KAZN: variants seen among roughly 807,000 people sequenced by gnomAD.
The protein encoded by KAZN is kazrin.
In KAZN, 40 loss-of-function variants were observed where a neutral mutation model predicts 87.4. That is an observed-to-expected ratio of 0.46 (90% CI 0.36 to 0.60). The LOEUF is 0.60. Among genes scored for constraint, KAZN ranks in the 20% least tolerant of loss-of-function variants. KAZN has a pLI of 0.00. For synonymous variants in KAZN, 466 were observed against 458.3 expected, an observed-to-expected ratio of 1.02 and a Z score of -0.22; for missense variants, 898 against 1,073.9, an observed-to-expected ratio of 0.84 and a Z score of 2.29.
At chr1:14,614,730 C>A (rs556275928) in intron 1 of KAZN, among the ~76,000 whole-genome samples, 1 of 152,210 alleles carries the variant, frequency 6.6e-6, no homozygotes, top group Non-Finnish European at 1.5e-5. Flanking sequence ...TTGAATACAA[C>A]CCAGAGAAAC....
chr1:15,108,948 A>T (rs1444264331), intron 13 of KAZN, among the ~76,000 whole-genome samples: 1 of 152,178 alleles, frequency 6.6e-6, no homozygotes, highest in African/African-American at 2.4e-5. Context: ...TTTTCATCTT[A>T]TCCAAAGGCC....
intron 1 of KAZN, among the ~76,000 whole-genome samples, chr1:14,929,303 G>T (rs1018865494): frequency 2.0e-5 from 3 of 152,124 alleles, no homozygotes; most frequent in Non-Finnish European, 4.4e-5. Context: ...ACTCAAACAG[G>T]TGACTCCAAA....
intron 2 of KAZN, among the ~76,000 whole-genome samples, chr1:14,296,053 G>A (rs572106914): frequency 6.6e-6 from 1 of 152,246 alleles, no homozygotes; most frequent in East Asian, 1.9e-4. Context: ...CTACCTCATA[G>A]GGTTGCCATA....
chr1:14,358,930 T>A (rs967420086), intron 2 of KAZN, among the ~76,000 whole-genome samples: 2 of 152,220 alleles, frequency 1.3e-5, no homozygotes, highest in Admixed American at 1.3e-4. Flanking sequence ...GTTCTGTAGA[T>A]GTGTATTAGG....
chr1:14,376,435 T>C (rs1244085169), intron 2 of KAZN, among the ~76,000 whole-genome samples: 2 of 152,126 alleles, frequency 1.3e-5, no homozygotes, highest in Non-Finnish European at 2.9e-5. Context: ...GGGAGTGGGT[T>C]CCTGATAAAA....
chr1:14,959,492 C>T (rs1302060145), intron 1 of KAZN, among the ~76,000 whole-genome samples: 1 of 152,122 alleles, frequency 6.6e-6, no homozygotes, highest in African/African-American at 2.4e-5. Context: ...TCCCCAGGTC[C>T]CTCTGAGATG....
chr1:14,123,986 A>G (rs1190499247), intron 1 of KAZN, among the ~76,000 whole-genome samples: 2 of 152,064 alleles, frequency 1.3e-5, no homozygotes, highest in African/African-American at 4.8e-5. Flanking sequence ...CTCCTTCCCA[A>G]TAGGAGCCCT....
At chr1:14,976,031 CAAAAA>C (rs1162988294) in intron 2 of KAZN, among the ~76,000 whole-genome samples, 29 of 85,490 alleles carry the variant, frequency 3.4e-4, no homozygotes, top group Middle Eastern at 6.6e-3. Flanking sequence ...GACTCCGTCT[CAAAAA>C]AAAAAAAAAA....
intron 1 of KAZN, among the ~76,000 whole-genome samples, chr1:14,151,207 A>AG (rs398102458): frequency 2.0e-5 from 3 of 151,968 alleles, no homozygotes; most frequent in African/African-American, 7.3e-5. Context: ...TAGAAAAAAA[A>AG]GACAAAGATG....
chr1:14,459,455 G>A (rs139317384), intron 2 of KAZN, among the ~76,000 whole-genome samples: 125 of 152,100 alleles, frequency 8.2e-4, no homozygotes, highest in Admixed American at 2.0e-3. Context: ...TCAGATTAAC[G>A]TGGGGTAGAG....
intron 1 of KAZN, among the ~76,000 whole-genome samples, chr1:14,780,204 C>G (rs1339609127): frequency 6.6e-6 from 1 of 152,186 alleles, no homozygotes; most frequent in African/African-American, 2.4e-5. Context: ...AGCCTTGGCC[C>G]GATCTTTGCT....
intron 8 of KAZN, chr1:15,068,249 T>G: frequency 4.4e-6 from 1 of 226,536 alleles, no homozygotes; most frequent in Non-Finnish European, 7.3e-6. Context: ...TCCTTGGACT[T>G]CCAGGGCTGG....
chr1:13,969,827 T>C (rs2101046332), intron 1 of KAZN, among the ~76,000 whole-genome samples: 1 of 152,254 alleles, frequency 6.6e-6, no homozygotes, highest in East Asian at 1.9e-4. Context: ...CCATGTGTGA[T>C]TTGAGAATTT....
chr1:14,317,918 A>C (rs915301216), intron 2 of KAZN, among the ~76,000 whole-genome samples: 1 of 151,986 alleles, frequency 6.6e-6, no homozygotes, highest in Non-Finnish European at 1.5e-5. Flanking sequence ...TGTGGTTTAC[A>C]TTATTTATCT....
intron 8 of KAZN, among the ~76,000 whole-genome samples, chr1:15,089,990 G>A (rs1167485134): frequency 2.6e-5 from 4 of 152,280 alleles, no homozygotes; most frequent in Middle Eastern, 3.4e-3. Flanking sequence ...CCCCTCCTTC[G>A]TGATTTCCCG....
intron 1 of KAZN, among the ~76,000 whole-genome samples, chr1:13,979,363 C>A (rs779184063): frequency 1.3e-5 from 2 of 151,998 alleles, no homozygotes; most frequent in Admixed American, 6.6e-5. Flanking sequence ...ATGATGAAAA[C>A]CAGGTGACAA....
chr1:14,924,104 G>T, intron 1 of KAZN: 2 of 981,538 alleles, frequency 2.0e-6, no homozygotes, highest in Non-Finnish European at 2.4e-6. Context: ...CCCGGAAGGA[G>T]CGGGAGGAGG....
At chr1:14,372,197 A>G (rs557712910) in intron 2 of KAZN, among the ~76,000 whole-genome samples, 1 of 152,352 alleles carries the variant, frequency 6.6e-6, no homozygotes, top group African/African-American at 2.4e-5. Context: ...TAAGTGGGTC[A>G]ATTCAGCCAA....
At chr1:13,964,072 T>G (rs1641855433) in intron 1 of KAZN, among the ~76,000 whole-genome samples, 1 of 152,192 alleles carries the variant, frequency 6.6e-6, no homozygotes, top group Admixed American at 6.5e-5. Flanking sequence ...TGGTAGGGGT[T>G]GTTAACACTC....
Sources: gnomAD v4.1 joint callset for allele counts (sites outside exome capture counted in the v4.1 genomes callset) on GRCh38, gnomAD v4.1.1 for gene constraint, MANE v1.5 for transcripts, NCBI Gene and HGNC (gene_info 2026-07-23, HGNC 2026-07-21) for gene names.